TBC1D9: variants seen among roughly 807,000 people sequenced by gnomAD.
TBC1D9 encodes TBC1 domain family member 9.
TBC1D9 carries 63 observed loss-of-function variants against 132.0 expected under a neutral mutation model. That is an observed-to-expected ratio of 0.48 (90% CI 0.39 to 0.59). The LOEUF (loss-of-function observed/expected upper bound fraction) is 0.59, where lower values mean the gene tolerates loss of function less well. TBC1D9 is among the 20% of genes least tolerant of loss of function. The pLI is 0.00. For missense variants in TBC1D9, 1,261 were observed against 1,592.7 expected (o/e 0.79, Z 3.54); for synonymous variants, 610 against 609.9 (o/e 1.00, Z 0.00).
intron 9 of TBC1D9, among the ~76,000 whole-genome samples, chr4:140,663,143 G>A (rs1737391225): frequency 6.6e-6 from 1 of 152,278 alleles, no homozygotes; most frequent in Non-Finnish European, 1.5e-5. Context: ...CAAACCATAT[G>A]TCTGATAAGG....
intron 1 of TBC1D9, among the ~76,000 whole-genome samples, chr4:140,731,178 G>A (rs1458696911): frequency 1.3e-5 from 2 of 152,180 alleles, no homozygotes; most frequent in African/African-American, 2.4e-5. Flanking sequence ...TTATTGCTGA[G>A]TAGCTTCTCA....
At chr4:140,661,770 A>C in intron 10 of TBC1D9, 123 bp downstream of exon 10, 1 of 785,438 alleles carries the variant, frequency 1.3e-6, no homozygotes, top group Non-Finnish European at 2.1e-6. Context: ...AACAGTGCCA[A>C]GGTTGAGAGG....
chr4:140,719,617 T>A (rs1738392479), intron 1 of TBC1D9, among the ~76,000 whole-genome samples: 1 of 152,194 alleles, frequency 6.6e-6, no homozygotes, highest in Admixed American at 6.5e-5. Context: ...AAATAGACAC[T>A]GAGCACCTGT....
chr4:140,686,180 G>A (rs1737776524), intron 3 of TBC1D9, among the ~76,000 whole-genome samples, 164 bp downstream of exon 3: 1 of 152,172 alleles, frequency 6.6e-6, no homozygotes, highest in Non-Finnish European at 1.5e-5. Context: ...AAGTATTCAG[G>A]AGAGGAGGCA....
chr4:140,629,826 A>G (rs1049775704), intron 16 of TBC1D9, among the ~76,000 whole-genome samples: 1 of 152,224 alleles, frequency 6.6e-6, no homozygotes, highest in African/African-American at 2.4e-5. Flanking sequence ...GGATGTTTGC[A>G]TGATTAATAA....
In TBC1D9 at chr4:140,706,070, T is replaced by C. The variant is rs6846775; in HGVS notation, c.131-4456A>G. ...CAGTCACCACTGCACAACTGCAGCC[T>C]AGCTGGGAGCTGGTACAGGTGGCAG... On this transcript the variant is annotated intron_variant, in intron 1 of 20. Transcript: ENST00000442267. This position sits in a 1 kb window ranked among gnomAD's most constrained non-coding sequence, Gnocchi z 4.0. Among the ~76,000 whole-genome samples the C allele has an allele frequency of 1, 152,058 of 152,346 alleles. 75,888 individuals carry two copies. Among genetic ancestry groups the C allele is most frequent in the Middle Eastern group, 1 (294 of 294 alleles).
Position 140,622,327 on chromosome 4 carries a change from C to T in TBC1D9, c.3669G>A (p.Glu1223=). 6.2e-7 allele frequency: 1 copy of T among 1,613,828 alleles called. No individual in the cohort carries two copies. Among genetic ancestry groups the T allele is most frequent in the Non-Finnish European group, 8.5e-7 (1 of 1,179,730 alleles). Residue 1223 remains glutamate, a synonymous_variant, in exon 21 of 21, where the codon GAG becomes GAA. Coordinates refer to ENST00000442267, the MANE Select transcript of TBC1D9 (RefSeq NM_015130.3). The stretch of plus-strand genomic sequence containing the variant: ...TGTCAAAGTACTTGACCAGGGCAGG[C>T]TCAGTTAAGAGGGAGGCCAGGAACT... ...FEQFLASLLT[E]PALVKYFDKP...
intron 11 of TBC1D9, among the ~76,000 whole-genome samples, chr4:140,658,840 A>G (rs1490054621): frequency 6.6e-6 from 1 of 152,102 alleles, no homozygotes; most frequent in Non-Finnish European, 1.5e-5. Flanking sequence ...TTCTGGATGC[A>G]TGGTGCCCAC....
chr4:140,655,399 T>G (rs1275647892), intron 13 of TBC1D9, among the ~76,000 whole-genome samples: 1 of 152,224 alleles, frequency 6.6e-6, no homozygotes, highest in Admixed American at 6.5e-5. Flanking sequence ...TTTTTTACTT[T>G]AAGAGAGACT....
intron 11 of TBC1D9, 51 bp downstream of exon 11, chr4:140,659,537 G>T: frequency 7.5e-7 from 1 of 1,334,436 alleles, no homozygotes; most frequent in Non-Finnish European, 1.0e-6. Context: ...CTCTCTAAAA[G>T]CATCTTCTTG....
chr4:140,655,024 A>G (rs181172072), intron 13 of TBC1D9, among the ~76,000 whole-genome samples: 1 of 152,242 alleles, frequency 6.6e-6, no homozygotes, highest in East Asian at 1.9e-4. Context: ...ATTTAGTAAA[A>G]TCATGCCTTC....
At chr4:140,744,510 T>C (rs955724835) in intron 1 of TBC1D9, among the ~76,000 whole-genome samples, 3 of 152,172 alleles carry the variant, frequency 2.0e-5, no homozygotes, top group African/African-American at 7.2e-5. Flanking sequence ...GCTAGGTGTC[T>C]AGCACCTTTT....
At chr4:140,711,750 T>A (rs1168965852) in intron 1 of TBC1D9, among the ~76,000 whole-genome samples, 1 of 152,212 alleles carries the variant, frequency 6.6e-6, no homozygotes, top group Non-Finnish European at 1.5e-5. Flanking sequence ...GCACCTAGCA[T>A]ATGAAAAACA....
chr4:140,692,748 G>A (rs763157543), intron 2 of TBC1D9, among the ~76,000 whole-genome samples: 16 of 152,072 alleles, frequency 1.1e-4, no homozygotes, highest in Middle Eastern at 3.2e-3. Flanking sequence ...GACCGGGCAC[G>A]GTGGCTCACA....
Position 140,639,103 on chromosome 4 carries a change from G to A in TBC1D9, c.2488C>T (p.Leu830Phe), listed in dbSNP as rs774332873. Residue 830 changes from leucine (L) to phenylalanine (F), a missense_variant, in exon 15 of 21, where the codon CTT (leucine) becomes TTT (phenylalanine). By Grantham distance (22) the Leu-to-Phe change is conservative. This residue lies in a region of TBC1D9 where 618 missense variants were observed against 724.4 expected (regional missense o/e 0.85). Coordinates refer to ENST00000442267, the MANE Select transcript of TBC1D9 (RefSeq NM_015130.3). ...CAACTCACCTTGAAAAGAGCATAAA[G>A]TTCTTCCAGCTCATCAATGGTAAAG... ...TSFTIDELEELYALFKAEHLT... is the reference protein window; with the variant it reads ...TSFTIDELEEFYALFKAEHLT... 1 of 1,591,174 alleles carries A rather than the reference G, an allele frequency of 6.3e-7. No homozygotes were observed. Among genetic ancestry groups the A allele is most frequent in the Non-Finnish European group, 8.6e-7 (1 of 1,167,700 alleles).
chr4:140,724,201 C>T (rs999098289), intron 1 of TBC1D9, among the ~76,000 whole-genome samples: 5 of 152,156 alleles, frequency 3.3e-5, no homozygotes, highest in Admixed American at 6.5e-5. Flanking sequence ...GTGTCCCGGA[C>T]CAGCTGGTCA....
intron 15 of TBC1D9, among the ~76,000 whole-genome samples, chr4:140,635,364 C>T (rs1274790704): frequency 6.6e-6 from 1 of 152,106 alleles, no homozygotes; most frequent in Non-Finnish European, 1.5e-5. Context: ...TGCCTGTAGT[C>T]CCAGCTACTT....
At chr4:140,709,948 C>G (rs1248474660) in intron 1 of TBC1D9, among the ~76,000 whole-genome samples, 4 of 152,194 alleles carry the variant, frequency 2.6e-5, no homozygotes, top group Non-Finnish European at 1.5e-5. Context: ...CAGTTCCTAA[C>G]AGGCCACGGA....
rs1274887408 is a variant in TBC1D9 at position 140,679,776 on chromosome 4, T to G, written c.428A>C (p.Glu143Ala). Residue 143 changes from glutamate to alanine, a missense_variant, in exon 4 of 21, where the codon GAA becomes GCA. Coordinates refer to ENST00000442267, the MANE Select transcript of TBC1D9 (RefSeq NM_015130.3). ...CAGCCTATGAAATTTCACAATGGCT[T>G]CTTTAAACTTCTCCGTGTCATCATC... ...KEDDDTEKFK[E>A]AIVKFHRLFG... 2 of 1,613,736 alleles carry G rather than the reference T, an allele frequency of 1.2e-6. No homozygotes were observed. Among genetic ancestry groups the G allele is most frequent in the Non-Finnish European group, 1.7e-6 (2 of 1,179,840 alleles).
Sources: allele counts gnomAD v4.1 joint callset (sites outside exome capture counted in the v4.1 genomes callset), GRCh38; gene constraint gnomAD v4.1.1; regional missense constraint gnomAD v4.1.1; non-coding constraint Gnocchi (gnomAD v3.1); transcripts MANE v1.5; gene names NCBI Gene and HGNC (gene_info 2026-07-23, HGNC 2026-07-21).